PPP2R2B: variants seen among roughly 807,000 people sequenced by gnomAD.
PPP2R2B encodes the protein serine/threonine-protein phosphatase 2A 55 kDa regulatory subunit B beta isoform.
In PPP2R2B, 5 loss-of-function variants were observed where a neutral mutation model predicts 46.0. The ratio of observed to expected loss-of-function variants is 0.11; its 90% CI spans 0.06 to 0.23. The LOEUF (loss-of-function observed/expected upper bound fraction) is 0.23, where lower values mean the gene tolerates loss of function less well. Ranked by LOEUF, PPP2R2B falls within the 10% of genes least tolerant of loss-of-function variation. PPP2R2B has a pLI of 1.00. For synonymous variants in PPP2R2B, 215 were observed against 206.7 expected (o/e 1.04, Z -0.34); for missense variants, 367 against 575.0 (o/e 0.64, Z 3.70).
chr5:146,688,385 C>T (rs1778636225), intron 5 of PPP2R2B, among the ~76,000 whole-genome samples: 2 of 151,896 alleles, frequency 1.3e-5, no homozygotes, highest in Admixed American at 1.3e-4. Flanking sequence ...CGCAGACCCC[C>T]TTGTCTCAGC....
chr5:147,002,974 A>AT (rs1561569219), intron 1 of PPP2R2B, among the ~76,000 whole-genome samples: 1 of 151,912 alleles, frequency 6.6e-6, no homozygotes, highest in African/African-American at 2.4e-5. Context: ...GAGGCAGCTC[A>AT]TTTTTTTCTG....
chr5:146,726,299 T>A (rs1387668248), intron 2 of PPP2R2B, among the ~76,000 whole-genome samples: 3 of 152,138 alleles, frequency 2.0e-5, no homozygotes, highest in Non-Finnish European at 4.4e-5. Context: ...GTATTCAGCA[T>A]CTATGCCAAA....
intron 1 of PPP2R2B, among the ~76,000 whole-genome samples, chr5:146,884,832 A>G (rs1391999630): frequency 6.6e-6 from 1 of 152,246 alleles, no homozygotes; most frequent in Non-Finnish European, 1.5e-5. Flanking sequence ...TACATTGCTC[A>G]AAGTAAAATT....
Position 146,642,036 on chromosome 5 carries a change from G to A in PPP2R2B, c.626-3621C>T, listed in dbSNP as rs149272080. ...TGTTCTTCTTGACCTGACTGCTTAC[G>A]GCATTTCTTATTAATGCTGAGCCCA... On this transcript the variant is annotated intron_variant, in intron 6 of 9. Coordinates refer to ENST00000394411, the MANE Select transcript of PPP2R2B (RefSeq NM_181675.4). 4.1e-4 allele frequency among the ~76,000 whole-genome samples: 63 copies of A among 152,148 alleles called. 1 individual carries two copies. In the East Asian group the frequency reaches 0.011, roughly 26 times the overall value.
chr5:146,699,650 G>A lies in PPP2R2B; in HGVS notation c.168+1395C>T, dbSNP rs117641752. Among the ~76,000 whole-genome samples, 64 of 138,668 alleles carry A rather than the reference G, an allele frequency of 4.6e-4. 1 individual carries two copies. The East Asian group carries it at 0.012, about 26-fold the overall frequency. The allele number at this position is 138,668 out of a possible 152,430, so 91.0% of individuals were successfully genotyped here. ...TCCGGTTCCTCTTTATCATCACTGC[G>A]AACTTAATTGGTTTTTTTTTTTTTT... is the stretch of plus-strand genomic sequence containing the variant. On this transcript the variant is annotated intron_variant, in intron 3 of 9. Coordinates refer to ENST00000394411, the MANE Select transcript of PPP2R2B (RefSeq NM_181675.4).
intron 2 of PPP2R2B, among the ~76,000 whole-genome samples, chr5:146,824,774 G>T (rs368365132): frequency 3.3e-4 from 50 of 150,456 alleles, no homozygotes; most frequent in African/African-American, 1.1e-3. Context: ...CTGAAGTGCA[G>T]TGGTGCAATC....
intron 2 of PPP2R2B, among the ~76,000 whole-genome samples, chr5:146,785,472 C>G (rs573766419): frequency 2.3e-4 from 35 of 152,196 alleles, no homozygotes; most frequent in Admixed American, 4.6e-4. Context: ...CACTTGAGAC[C>G]AGGAGGTGGA....
intron 1 of PPP2R2B, chr5:147,055,637 C>T: frequency 6.3e-7 from 1 of 1,585,006 alleles, no homozygotes; most frequent in Non-Finnish European, 8.7e-7. Context: ...TCCCACCCAC[C>T]CAGACACTCT....
In PPP2R2B at chr5:146,584,779, G is replaced by T. The variant is rs574976375; in HGVS notation, c.*5168C>A. The T allele has an allele frequency of 2.0e-5, 3 of 152,294 alleles. No individual in the cohort carries two copies. The highest frequency in any genetic ancestry group is 7.2e-5 in the African/African-American group (3 of 41,566). 9.4% of individuals were successfully genotyped at this position (152,294 alleles called of 1,614,324 possible). Reference sequence around the variant, plus strand: ...TTATTGGATGAACAAAAGGAAAAAGGGGTAGGCTAGTTCTAGTATGTCGAA... The same window carrying T: ...TTATTGGATGAACAAAAGGAAAAAGTGGTAGGCTAGTTCTAGTATGTCGAA... On this transcript the variant is annotated 3_prime_UTR_variant, in exon 10 of 10. Transcript: ENST00000394411.
intron 2 of PPP2R2B, among the ~76,000 whole-genome samples, chr5:146,865,698 G>T (rs1488554396): frequency 6.6e-6 from 1 of 152,184 alleles, no homozygotes; most frequent in Non-Finnish European, 1.5e-5. Context: ...GGCTATGTGT[G>T]AGGACTCTAA....
intron 2 of PPP2R2B, among the ~76,000 whole-genome samples, chr5:146,742,409 G>A (rs1326567185): frequency 6.6e-6 from 1 of 152,084 alleles, no homozygotes; most frequent in Non-Finnish European, 1.5e-5. Flanking sequence ...GAATTGGGCT[G>A]GCCAGTTGTT....
At chr5:146,919,091 G>A (rs1417290730) in intron 1 of PPP2R2B, among the ~76,000 whole-genome samples, 2 of 152,176 alleles carry the variant, frequency 1.3e-5, no homozygotes, top group African/African-American at 4.8e-5. Flanking sequence ...AACAGGTTAA[G>A]AGGAGTTAAA....
intron 2 of PPP2R2B, among the ~76,000 whole-genome samples, chr5:146,874,764 C>T (rs891318028): frequency 2.0e-5 from 3 of 151,922 alleles, no homozygotes; most frequent in African/African-American, 7.3e-5. Flanking sequence ...AGCAGGAAAC[C>T]CACATATAGA....
At chr5:146,640,870 A>G (rs1264546766) in intron 6 of PPP2R2B, among the ~76,000 whole-genome samples, 1 of 152,162 alleles carries the variant, frequency 6.6e-6, no homozygotes, top group East Asian at 1.9e-4. Flanking sequence ...CAGAGCTGCC[A>G]TCTCTGGATC....
chr5:146,781,166 AT>A (rs1755500110), intron 2 of PPP2R2B, among the ~76,000 whole-genome samples: 1 of 111,950 alleles, frequency 8.9e-6, no homozygotes, highest in Non-Finnish European at 1.8e-5. Context: ...ATATATATAT[AT>A]ATATATATAA....
chr5:146,873,745 G>A (rs1163887335), intron 2 of PPP2R2B, among the ~76,000 whole-genome samples: 1 of 152,078 alleles, frequency 6.6e-6, no homozygotes, highest in Non-Finnish European at 1.5e-5. Flanking sequence ...TGAGTAGCTG[G>A]GATTACAGGC....
At chr5:146,836,545 T>G (rs1434318251) in intron 2 of PPP2R2B, among the ~76,000 whole-genome samples, 1 of 152,230 alleles carries the variant, frequency 6.6e-6, no homozygotes, top group African/African-American at 2.4e-5. Flanking sequence ...TTTTCCGGGA[T>G]GAATACTTTA....
At chr5:146,764,858 G>A (rs1345646250) in intron 2 of PPP2R2B, among the ~76,000 whole-genome samples, 3 of 151,326 alleles carry the variant, frequency 2.0e-5, no homozygotes, top group African/African-American at 4.9e-5. Flanking sequence ...ACACGCACAC[G>A]TACTCTGCCC....
At chr5:146,996,548 T>C (rs1361522748) in intron 1 of PPP2R2B, among the ~76,000 whole-genome samples, 1 of 151,930 alleles carries the variant, frequency 6.6e-6, no homozygotes, top group African/African-American at 2.4e-5. Context: ...TAAATAGGAG[T>C]ATGGTTTGCC....
Sources: gnomAD v4.1 joint callset for allele counts (sites outside exome capture counted in the v4.1 genomes callset) on GRCh38, gnomAD v4.1.1 for gene constraint, MANE v1.5 for transcripts, NCBI Gene and HGNC (gene_info 2026-07-23, HGNC 2026-07-21) for gene names.